The following LRRC41 variants were observed in gnomAD, a reference collection of about 807,000 sequenced individuals.
LRRC41 encodes leucine rich repeat containing 41.
In LRRC41, 17 loss-of-function variants were observed where a neutral mutation model predicts 72.1. That is an observed-to-expected ratio of 0.24 (90% CI 0.16 to 0.35). The LOEUF (loss-of-function observed/expected upper bound fraction) is 0.35, where lower values mean the gene tolerates loss of function less well. Ranked by LOEUF, LRRC41 falls within the 10% of genes least tolerant of loss-of-function variation. LRRC41 has a pLI of 1.00. For synonymous variants in LRRC41, 427 were observed against 431.0 expected (o/e 0.99, Z 0.11); for missense variants, 759 against 1,065.0 (o/e 0.71, Z 4.00).
At position 46,302,301 on chromosome 1, in the gene LRRC41, C is replaced by T; in HGVS notation, c.199+823G>A. On this transcript the variant is annotated intron_variant, in intron 1 of 9. Transcript: ENST00000617190. The surrounding 1 kb of genome is among the most constrained non-coding windows in gnomAD (Gnocchi z 4.7). ...CTTGGGGCCTCCTTGGCCCTTCCCG[C>T]CTGTCCGTCATTCGAGCCTCCCTCG... 1.0e-6 allele frequency: 1 copy of T among 985,414 alleles called. No homozygotes were observed. The highest frequency in any genetic ancestry group is 1.2e-6 in the Non-Finnish European group (1 of 829,910). 61.0% of individuals were successfully genotyped at this position (985,414 alleles called of 1,614,324 possible).
chr1:46,280,773 G>A (rs948432670), intron 5 of LRRC41, among the ~76,000 whole-genome samples: 1 of 152,194 alleles, frequency 6.6e-6, no homozygotes, highest in Non-Finnish European at 1.5e-5. Context: ...TTTAGACCAG[G>A]AAGACAGGCT....
chr1:46,280,686 T>C (rs1291609823), intron 5 of LRRC41, 126 bp from the exon 6 acceptor site: 2 of 906,712 alleles, frequency 2.2e-6, no homozygotes, highest in East Asian at 5.2e-5. Flanking sequence ...GTTGAGTGCC[T>C]ACCATATGTC....
Position 46,278,395 on chromosome 1 carries a change from C to A in LRRC41, c.*470G>T. On this transcript the variant is annotated 3_prime_UTR_variant, in exon 10 of 10. Transcript: ENST00000617190. ...TCTGGGAGAAAATCATCAAGAAGGG[C>A]TGCATGATGTTTGCCCAAAATTTAT... The A allele has an allele frequency of 8.0e-7, 1 of 1,242,294 alleles. No homozygotes were observed. The highest frequency in any genetic ancestry group is 1.1e-6 in the Non-Finnish European group (1 of 876,536). 77.0% of individuals were successfully genotyped at this position (1,242,294 alleles called of 1,614,324 possible).
At chr1:46,292,027 T>C (rs939043999) in intron 3 of LRRC41, among the ~76,000 whole-genome samples, 19 of 152,016 alleles carry the variant, frequency 1.2e-4, no homozygotes, top group South Asian at 2.1e-4. Flanking sequence ...TTAAAAATTA[T>C]TGCAGGCCGG....
intron 3 of LRRC41, among the ~76,000 whole-genome samples, chr1:46,296,318 G>A (rs1661125492): frequency 6.6e-6 from 1 of 152,226 alleles, no homozygotes; most frequent in Admixed American, 6.5e-5. Context: ...TTGGGAGGCT[G>A]AGGCAGGAGA....
chr1:46,302,983 C>T lies in LRRC41; in HGVS notation c.199+141G>A. 7.6e-7 allele frequency: 1 copy of T among 1,310,330 alleles called. No individual in the cohort carries two copies. The highest frequency in any genetic ancestry group is 2.3e-5 in the South Asian group (1 of 43,834). 81.2% of individuals were successfully genotyped at this position (1,310,330 alleles called of 1,614,324 possible). On this transcript the variant is annotated intron_variant, in intron 1 of 9. Coordinates refer to ENST00000617190, the MANE Select transcript of LRRC41 (RefSeq NM_006369.5). The surrounding 1 kb of genome is among the most constrained non-coding windows in gnomAD (Gnocchi z 4.7). ...GTCCAGCCCTGTCAGTCACAAAATTCATTCTCCGATCCTACGAGCTGGCTT... is the reference window on the plus strand; with the variant it reads ...GTCCAGCCCTGTCAGTCACAAAATTTATTCTCCGATCCTACGAGCTGGCTT...
rs1294019843 is a variant in LRRC41, at chr1:46,303,304, A to G, written c.19T>C (p.Trp7Arg). The G allele has an allele frequency of 5.9e-6, 9 of 1,531,940 alleles. No homozygotes were observed. The highest frequency in any genetic ancestry group is 7.9e-6 in the Non-Finnish European group (9 of 1,140,940). The allele number at this position is 1,531,940 out of a possible 1,614,324, so 94.9% of individuals were successfully genotyped here. Residue 7 changes from tryptophan to arginine, a missense_variant, in exon 1 of 10, where the codon TGG becomes CGG. By Grantham distance (101) the Trp-to-Arg change is moderately radical. Coordinates refer to ENST00000617190, the MANE Select transcript of LRRC41 (RefSeq NM_006369.5). ...CAGAACCAGCAACTCCGGGCGCGCC[A>G]GGCCTCGGGCGCCGCCATCTTGGGG... MAAPEA[W>R]RARSCWFCEV...
chr1:46,296,905 T>A (rs897479984), intron 3 of LRRC41: 1 of 152,236 alleles, frequency 6.6e-6, no homozygotes, highest in Non-Finnish European at 1.5e-5. Context: ...GCCATTCATA[T>A]ATTTCAAGAT....
chr1:46,293,658 C>A (rs1211785747), intron 3 of LRRC41, among the ~76,000 whole-genome samples: 1 of 152,200 alleles, frequency 6.6e-6, no homozygotes, highest in Non-Finnish European at 1.5e-5. Context: ...CAACCTCTGC[C>A]TCTTGGGTTC....
Position 46,277,623 on chromosome 1 carries a change from C to A in LRRC41, c.*1242G>T. On this transcript the variant is annotated 3_prime_UTR_variant, in exon 10 of 10. Transcript: ENST00000617190. ...AAGTAGCCTGGGTGGGCAGACTATT[C>A]ATGTCATGTTCTCAGGAGACAGACT... 1 of 665,158 alleles carries A rather than the reference C, an allele frequency of 1.5e-6. No homozygotes were observed. The highest frequency in any genetic ancestry group is 2.6e-6 in the Non-Finnish European group (1 of 388,334). The allele number at this position is 665,158 out of a possible 1,614,324, so 41.2% of individuals were successfully genotyped here.
chr1:46,283,057 T>C (rs1278197157), intron 4 of LRRC41, among the ~76,000 whole-genome samples: 2 of 150,472 alleles, frequency 1.3e-5, no homozygotes, highest in Non-Finnish European at 3.0e-5. Context: ...ACTATAGAGA[T>C]AACCAGGAGT....
rs1557716724 is a variant in LRRC41 at position 46,290,933 on chromosome 1, T to TTG, written c.358-4435_358-4434insCA. Among the ~76,000 whole-genome samples, 42 of 146,638 alleles carry TTG rather than the reference T, an allele frequency of 2.9e-4. No individual in the cohort carries two copies. The South Asian group carries it at 5.7e-3, about 20-fold the overall frequency. Reference sequence around the variant, plus strand: ...TGTTTCTAGTTTTTTTTTTTTTTTTTTTTTTTTTTTTAAGACATTCCTGCT... The same window carrying TTG: ...TGTTTCTAGTTTTTTTTTTTTTTTTTTGTTTTTTTTTTTAAGACATTCCTGCT... On this transcript the variant is annotated intron_variant, in intron 3 of 9. Transcript: ENST00000617190.
Position 46,281,467 on chromosome 1 carries a change from T to C in LRRC41, c.1496-82A>G, listed in dbSNP as rs1456709222. 5 of 1,363,442 alleles carry C rather than the reference T, an allele frequency of 3.7e-6. No homozygotes were observed. In the East Asian group the frequency reaches 7.2e-5, roughly 20 times the overall value. The allele number at this position is 1,363,442 out of a possible 1,614,324, so 84.5% of individuals were successfully genotyped here. A position where few individuals can be genotyped will look rare whatever the true frequency, so the allele number is the denominator to read the frequency against. On this transcript the variant is annotated intron_variant, in intron 4 of 9. Coordinates refer to ENST00000617190, the MANE Select transcript of LRRC41 (RefSeq NM_006369.5). The stretch of plus-strand genomic sequence containing the variant: ...TATTCAAATACAACTCCAAATACTT[T>C]TGGTTACTAGCAAATCTCTTGGGCT...
At chr1:46,289,580 G>A (rs1414048754) in intron 3 of LRRC41, among the ~76,000 whole-genome samples, 1 of 152,036 alleles carries the variant, frequency 6.6e-6, no homozygotes, top group Non-Finnish European at 1.5e-5. Flanking sequence ...GGCTAACACG[G>A]TGAAACCCTG....
chr1:46,296,667 C>G (rs1661133437), intron 3 of LRRC41: 1 of 152,192 alleles, frequency 6.6e-6, no homozygotes. Flanking sequence ...CTCTAAAAGT[C>G]ATCTTGTGCA....
In LRRC41 at chr1:46,278,438, T is replaced by TTTGG. The variant is rs1660690437; in HGVS notation, c.*423_*426dup. 1 of 929,460 alleles carries TTTGG rather than the reference T, an allele frequency of 1.1e-6. No individual in the cohort carries two copies. The highest frequency in any genetic ancestry group is 1.7e-5 in the African/African-American group (1 of 59,720). 57.6% of individuals were successfully genotyped at this position (929,460 alleles called of 1,614,324 possible). ...AAATTTATTTTATAAGAAAAACTTT[T>TTTGG]TTGGTTAAAAAAAAGAATAAAGGTA... is the stretch of plus-strand genomic sequence containing the variant. On this transcript the variant is annotated 3_prime_UTR_variant, in exon 10 of 10. Coordinates refer to ENST00000617190, the MANE Select transcript of LRRC41 (RefSeq NM_006369.5).
intron 2 of LRRC41, 70 bp from the exon 3 acceptor site, chr1:46,297,703 TGTC>T (rs1370085423): frequency 5.2e-6 from 6 of 1,157,386 alleles, no homozygotes; most frequent in Non-Finnish European, 7.8e-6. Flanking sequence ...CCTTTCATGT[TGTC>T]TTCTGGGTTC....
Position 46,279,463 on chromosome 1 carries a change from C to G in LRRC41, c.2143+29G>C. Reference sequence around the variant, plus strand: ...TAGGTCAAAGGCCTAGCTCCTTTCCCCTCTCCCTCCCCAGGGTCTGGCCCC... The same window carrying G: ...TAGGTCAAAGGCCTAGCTCCTTTCCGCTCTCCCTCCCCAGGGTCTGGCCCC... On this transcript the variant is annotated intron_variant, in intron 8 of 9. Coordinates refer to ENST00000617190, the MANE Select transcript of LRRC41 (RefSeq NM_006369.5). The surrounding 1 kb of genome is among the most constrained non-coding windows in gnomAD (Gnocchi z 4.5). 6.2e-7 allele frequency: 1 copy of G among 1,614,160 alleles called. No individual in the cohort carries two copies. Among genetic ancestry groups the G allele is most frequent in the Non-Finnish European group, 8.5e-7 (1 of 1,180,034 alleles).
chr1:46,294,502 AT>A (rs1661082585), intron 3 of LRRC41, among the ~76,000 whole-genome samples: 1 of 150,110 alleles, frequency 6.7e-6, no homozygotes, highest in Non-Finnish European at 1.5e-5. Context: ...GGCTCAAGCT[AT>A]TCCTCTCACT....
Sources: gnomAD v4.1 joint callset for allele counts (sites outside exome capture counted in the v4.1 genomes callset) on GRCh38, gnomAD v4.1.1 for gene constraint, Gnocchi (gnomAD v3.1) non-coding constraint, MANE v1.5 for transcripts, NCBI Gene and HGNC (gene_info 2026-07-23, HGNC 2026-07-21) for gene names.